The following CHSY1 variants were observed in gnomAD, a reference collection of about 807,000 sequenced individuals.
CHSY1 encodes chondroitin sulfate synthase 1, also known as N-acetylgalactosaminyl-proteoglycan 3-beta-glucuronosyltransferase 1.
A neutral mutation model predicts 59.8 loss-of-function variants in CHSY1; 13 were observed. The ratio of observed to expected loss-of-function variants is 0.22; its 90% CI spans 0.14 to 0.35. CHSY1 has a LOEUF of 0.35. CHSY1 is among the 10% of genes least tolerant of loss of function. The pLI is 1.00. For missense variants in CHSY1, 947 were observed against 1,030.6 expected, an observed-to-expected ratio of 0.92 and a Z score of 1.11; for synonymous variants, 459 against 401.2, an observed-to-expected ratio of 1.14 and a Z score of -1.72.
At chr15:101,195,693 C>T (rs1164179716) in intron 2 of CHSY1, among the ~76,000 whole-genome samples, 3 of 151,812 alleles carry the variant, frequency 2.0e-5, no homozygotes, top group African/African-American at 4.8e-5. Flanking sequence ...GGCGTGGTGG[C>T]GGGTGCCTGT....
chr15:101,231,209 G>A (rs188203180), intron 2 of CHSY1, among the ~76,000 whole-genome samples: 3 of 152,226 alleles, frequency 2.0e-5, no homozygotes, highest in Admixed American at 6.5e-5. Context: ...CTAAATGACC[G>A]CCTAGAAACA....
At chr15:101,228,593 G>A (rs2038863782) in intron 2 of CHSY1, among the ~76,000 whole-genome samples, 1 of 152,126 alleles carries the variant, frequency 6.6e-6, no homozygotes, top group Non-Finnish European at 1.5e-5. Flanking sequence ...TGGCAACTAA[G>A]AATTCTATAT....
intron 2 of CHSY1, among the ~76,000 whole-genome samples, chr15:101,212,731 T>G (rs1005151098): frequency 6.6e-6 from 1 of 152,186 alleles, no homozygotes; most frequent in African/African-American, 2.4e-5. Flanking sequence ...AGCTTAAGAT[T>G]TGTGCATTTT....
rs374019363 is a variant in CHSY1, at chr15:101,251,119, C to T, written c.320+18G>A. ...GATGCCGGACGCAGGAGGCGGTGCC[C>T]GGGGAGCAGGGGCTCACCTGTAGGC... On this transcript the variant is annotated intron_variant, in intron 1 of 2. Coordinates refer to ENST00000254190, the MANE Select transcript of CHSY1 (RefSeq NM_014918.5). The T allele has an allele frequency of 1.3e-6, 2 of 1,561,032 alleles. No homozygotes were observed. Among genetic ancestry groups the T allele is most frequent in the African/African-American group, 1.4e-5 (1 of 73,650 alleles).
At chr15:101,243,451 T>C (rs2039021874) in intron 1 of CHSY1, among the ~76,000 whole-genome samples, 1 of 152,192 alleles carries the variant, frequency 6.6e-6, no homozygotes, top group African/African-American at 2.4e-5. Flanking sequence ...GCCGACCACT[T>C]TGCAAATCAC....
At chr15:101,208,546 C>T (rs2038650438) in intron 2 of CHSY1, among the ~76,000 whole-genome samples, 1 of 152,032 alleles carries the variant, frequency 6.6e-6, no homozygotes, top group African/African-American at 2.4e-5. Flanking sequence ...AACCCCGTCT[C>T]TACTAAAAAT....
In CHSY1 at chr15:101,251,390, C is replaced by G; in HGVS notation, c.67G>C (p.Ala23Pro). Reference protein sequence around the residue: ...LLGLVLGFVLASRLVLPRASE... With the variant: ...LLGLVLGFVLPSRLVLPRASE... ...GCCCGGGGCAGGACGAGCCGCGAGG[C>G]CAGCACGAAGCCCAGGACGAGCCCG... is the stretch of plus-strand genomic sequence containing the variant. Residue 23 changes from alanine (A) to proline (P), a missense_variant, in exon 1 of 3, where the codon GCC (alanine) becomes CCC (proline). Ala to Pro is a conservative substitution (Grantham distance 27). This residue lies in a region of CHSY1 where 232 missense variants were observed against 188.5 expected (regional missense o/e 1.23). Transcript: ENST00000254190. The G allele has an allele frequency of 8.6e-7, 1 of 1,167,886 alleles. No individual in the cohort carries two copies. Among genetic ancestry groups the G allele is most frequent in the Non-Finnish European group, 1.1e-6 (1 of 926,900 alleles). 72.3% of individuals were successfully genotyped at this position (1,167,886 alleles called of 1,614,324 possible).
chr15:101,240,581 A>G (rs1394171697), intron 1 of CHSY1, among the ~76,000 whole-genome samples: 1 of 152,134 alleles, frequency 6.6e-6, no homozygotes, highest in Non-Finnish European at 1.5e-5. Context: ...ATCCTCCATC[A>G]CTCTAGGTTT....
intron 2 of CHSY1, among the ~76,000 whole-genome samples, chr15:101,211,277 T>C (rs1384379574): frequency 6.6e-6 from 1 of 152,120 alleles, no homozygotes; most frequent in South Asian, 2.1e-4. Context: ...TGAGCTGAGA[T>C]TGCACCACTG....
chr15:101,188,791 T>C (rs77406244), intron 2 of CHSY1, among the ~76,000 whole-genome samples: 3,326 of 152,278 alleles, frequency 0.022, 50 homozygotes, highest in East Asian at 0.1. Flanking sequence ...TGAAACAATA[T>C]ATTTTGCAAC....
In CHSY1 at chr15:101,189,846, C is replaced by T. The variant is rs147907112; in HGVS notation, c.817-10866G>A. 1.3e-3 allele frequency among the ~76,000 whole-genome samples: 193 copies of T among 152,364 alleles called. 2 individuals carry two copies. The East Asian group carries it at 0.029, about 23-fold the overall frequency. On this transcript the variant is annotated intron_variant, in intron 2 of 2. Coordinates refer to ENST00000254190, the MANE Select transcript of CHSY1 (RefSeq NM_014918.5). The stretch of plus-strand genomic sequence containing the variant: ...TCCAGCGGCGCTGGGACAGTGGAGG[C>T]CTGGTGAGTGGGGACAGCACAGTGG...
intron 1 of CHSY1, among the ~76,000 whole-genome samples, chr15:101,249,458 C>G (rs1374453130): frequency 1.4e-5 from 2 of 148,062 alleles, no homozygotes; most frequent in African/African-American, 5.0e-5. Context: ...TAGGCTGGTT[C>G]CCAAATCACT....
intron 2 of CHSY1, among the ~76,000 whole-genome samples, chr15:101,184,023 T>A (rs1362211092): frequency 6.6e-6 from 1 of 152,258 alleles, no homozygotes; most frequent in Non-Finnish European, 1.5e-5. Flanking sequence ...ACCTTTTTTT[T>A]ACTCCCTAGA....
At chr15:101,225,608 C>T (rs182403772) in intron 2 of CHSY1, among the ~76,000 whole-genome samples, 1 of 152,140 alleles carries the variant, frequency 6.6e-6, no homozygotes, top group African/African-American at 2.4e-5. Flanking sequence ...TGTACCACCC[C>T]CCTCCCCTTG....
chr15:101,214,430 G>A (rs1192586434), intron 2 of CHSY1, among the ~76,000 whole-genome samples: 4 of 152,148 alleles, frequency 2.6e-5, no homozygotes, highest in South Asian at 2.1e-4. Flanking sequence ...CTGCATCAAC[G>A]TCACTGCACA....
intron 1 of CHSY1, among the ~76,000 whole-genome samples, chr15:101,245,828 C>A (rs1207391750): frequency 6.6e-6 from 1 of 152,166 alleles, no homozygotes; most frequent in Non-Finnish European, 1.5e-5. Flanking sequence ...CTTGGTGCTC[C>A]AAAAGTTCAC....
intron 1 of CHSY1, among the ~76,000 whole-genome samples, chr15:101,249,102 C>G (rs1395917986): frequency 6.6e-6 from 1 of 152,008 alleles, no homozygotes; most frequent in Non-Finnish European, 1.5e-5. Flanking sequence ...CGCGCCCGGC[C>G]TGCATTACAT....
Position 101,207,839 on chromosome 15 carries a change from C to T in CHSY1, c.816+27243G>A, listed in dbSNP as rs75095490. Among the ~76,000 whole-genome samples, 530 of 152,294 alleles carry T rather than the reference C, an allele frequency of 3.5e-3. 3 individuals are homozygous for T. Among genetic ancestry groups the T allele is most frequent in the African/African-American group, 0.012 (493 of 41,554 alleles). On this transcript the variant is annotated intron_variant, in intron 2 of 2. Coordinates refer to ENST00000254190, the MANE Select transcript of CHSY1 (RefSeq NM_014918.5). Reference sequence around the variant, plus strand: ...TTAGGCTTCTTGCCCCTGCCCCACCCGTTGTCCTGAAGTAAAAAGCCACTA... The same window carrying T: ...TTAGGCTTCTTGCCCCTGCCCCACCTGTTGTCCTGAAGTAAAAAGCCACTA...
chr15:101,179,484 G>A (rs2038245335), intron 2 of CHSY1, among the ~76,000 whole-genome samples: 1 of 152,236 alleles, frequency 6.6e-6, no homozygotes, highest in Non-Finnish European at 1.5e-5. Flanking sequence ...TAAGGGAAGG[G>A]AAAGCCTATC....
Sources: allele counts gnomAD v4.1 joint callset (sites outside exome capture counted in the v4.1 genomes callset), GRCh38; gene constraint gnomAD v4.1.1; regional missense constraint gnomAD v4.1.1; transcripts MANE v1.5; gene names NCBI Gene and HGNC (gene_info 2026-07-23, HGNC 2026-07-21).